Variants in RP1 observed in about 807,000 individuals in gnomAD.
The protein encoded by RP1 is oxygen-regulated protein 1.
In RP1, 16 loss-of-function variants were observed where a neutral mutation model predicts 14.8. The ratio of observed to expected loss-of-function variants is 1.08; its 90% CI spans 0.73 to 1.65. RP1 has a LOEUF of 1.65. Ranked by LOEUF, RP1 falls within the 40% of genes most tolerant of loss-of-function variation. The pLI, the probability that RP1 is intolerant of heterozygous loss-of-function variation, is 0.00. For missense variants in RP1, 2,631 were observed against 2,535.0 expected (o/e 1.04, Z -0.81); for synonymous variants, 876 against 883.6 (o/e 0.99, Z 0.15).
intron 3 of RP1, among the ~76,000 whole-genome samples, chr8:54,637,897 T>C (rs1246657205): frequency 6.6e-6 from 1 of 152,206 alleles, no homozygotes; most frequent in Non-Finnish European, 1.5e-5. Context: ...ACATCTATTC[T>C]ATTTTTTTCC....
At chr8:54,718,458 A>G (rs974689559) in intron 15 of RP1, among the ~76,000 whole-genome samples, 2 of 152,226 alleles carry the variant, frequency 1.3e-5, no homozygotes, top group South Asian at 4.1e-4. Flanking sequence ...AAGGGAACTC[A>G]ATGGAGAAAG....
chr8:54,644,233 G>A (rs1347566501), intron 3 of RP1, among the ~76,000 whole-genome samples: 1 of 152,186 alleles, frequency 6.6e-6, no homozygotes, highest in Non-Finnish European at 1.5e-5. Flanking sequence ...TTCCAAGCAA[G>A]TTAGAAACCT....
intron 1 of RP1, among the ~76,000 whole-genome samples, chr8:54,608,606 C>T (rs1022424064): frequency 7.2e-5 from 11 of 152,178 alleles, no homozygotes; most frequent in Middle Eastern, 3.4e-3. Context: ...AGGGGATGGA[C>T]GATATTGCAG....
At chr8:54,797,256 G>A (rs1486733313) in intron 24 of RP1, among the ~76,000 whole-genome samples, 1 of 152,118 alleles carries the variant, frequency 6.6e-6, no homozygotes, top group Non-Finnish European at 1.5e-5. Context: ...TGGAAGAATA[G>A]GTTTTATAGA....
chr8:54,780,938 A>T, intron 23 of RP1: 1 of 985,156 alleles, frequency 1.0e-6, no homozygotes, highest in Non-Finnish European at 1.2e-6. Context: ...CATTGTAAAT[A>T]TGGAAGATCC....
At chr8:54,593,625 C>T (rs36038972) in intron 1 of RP1, among the ~76,000 whole-genome samples, 7,195 of 152,260 alleles carry the variant, frequency 0.047, 236 homozygotes, top group Middle Eastern at 0.088. Context: ...GAGCAGGCTG[C>T]ACTGTGAAGG....
At chr8:54,582,445 C>T (rs1256522930) in intron 1 of RP1, among the ~76,000 whole-genome samples, 2 of 151,012 alleles carry the variant, frequency 1.3e-5, no homozygotes, top group Middle Eastern at 3.4e-3. Flanking sequence ...GTGATGCCTC[C>T]AGCTTTGTTC....
At chr8:54,710,694 A>G (rs1217466182) in intron 15 of RP1, among the ~76,000 whole-genome samples, 1 of 152,184 alleles carries the variant, frequency 6.6e-6, no homozygotes, top group Non-Finnish European at 1.5e-5. Flanking sequence ...TGGGAAGGGC[A>G]GGTCACTCTA....
chr8:54,681,820 T>G (rs1807440090), intron 12 of RP1, among the ~76,000 whole-genome samples: 1 of 152,148 alleles, frequency 6.6e-6, no homozygotes, highest in African/African-American at 2.4e-5. Flanking sequence ...TGGATTAGTT[T>G]GCTGAGGATA....
intron 25 of RP1, chr8:54,837,725 A>G: frequency 3.9e-6 from 4 of 1,016,582 alleles, no homozygotes; most frequent in Non-Finnish European, 5.1e-6. Flanking sequence ...AATTGAGATG[A>G]TTTAGAATAG....
intron 1 of RP1, among the ~76,000 whole-genome samples, chr8:54,579,464 T>C (rs1804730783): frequency 6.6e-6 from 1 of 151,004 alleles, no homozygotes; most frequent in East Asian, 1.9e-4. Flanking sequence ...ATGAAGACTC[T>C]GGTGTCTTGT....
chr8:54,736,256 T>C (rs899675106), intron 18 of RP1, among the ~76,000 whole-genome samples: 2 of 152,096 alleles, frequency 1.3e-5, no homozygotes, highest in Non-Finnish European at 2.9e-5. Flanking sequence ...TCTTTCTAAA[T>C]TTTAAGGTAT....
At chr8:54,740,697 G>A (rs1809058649) in intron 19 of RP1, among the ~76,000 whole-genome samples, 1 of 151,704 alleles carries the variant, frequency 6.6e-6, no homozygotes, top group South Asian at 2.1e-4. Flanking sequence ...GTTCCAGCCT[G>A]GGCGACAAAG....
intron 26 of RP1, among the ~76,000 whole-genome samples, chr8:54,856,086 A>G (rs1281909527): frequency 6.6e-6 from 1 of 152,186 alleles, no homozygotes; most frequent in Non-Finnish European, 1.5e-5. Flanking sequence ...TACAAATAGT[A>G]GAGTGGATAA....
chr8:54,812,641 CAT>C (rs1811026699), intron 24 of RP1, among the ~76,000 whole-genome samples: 1 of 152,166 alleles, frequency 6.6e-6, no homozygotes, highest in Non-Finnish European at 1.5e-5. Context: ...CTCATAAGCA[CAT>C]GTTAATTTTA....
intron 1 of RP1, among the ~76,000 whole-genome samples, chr8:54,577,851 G>A (rs1804694838): frequency 6.6e-6 from 1 of 152,142 alleles, no homozygotes; most frequent in African/African-American, 2.4e-5. Flanking sequence ...CTTTTCACAC[G>A]GTGCCTTGAT....
At chr8:54,753,853 G>A (rs1019314856) in intron 19 of RP1, among the ~76,000 whole-genome samples, 7 of 152,194 alleles carry the variant, frequency 4.6e-5, no homozygotes, top group African/African-American at 1.7e-4. Context: ...AGTGGGTTAT[G>A]GCAGCAAGCT....
At position 54,655,837 on chromosome 8, in the gene RP1, G is replaced by A. The variant is rs188790997; in HGVS notation, c.1039-246G>A. 1.2e-4 allele frequency among the ~76,000 whole-genome samples: 18 copies of A among 151,018 alleles called. No homozygotes were observed. In the East Asian group the frequency reaches 3.3e-3, roughly 28 times the overall value. On this transcript the variant is annotated intron_variant, in intron 5 of 22. Coordinates refer to the RP1 transcript ENST00000636932. ...GTTGGCAACCAGCCTGGGCAACATA[G>A]CAAGACTTTGTCTCAAATAAATAAA...
chr8:54,779,691 A>G (rs1810134205), intron 23 of RP1, among the ~76,000 whole-genome samples: 1 of 152,184 alleles, frequency 6.6e-6, no homozygotes, highest in Admixed American at 6.5e-5. Flanking sequence ...TACACTTCCA[A>G]TTGATAAGAA....
Sources: allele counts gnomAD v4.1 joint callset (sites outside exome capture counted in the v4.1 genomes callset), GRCh38; gene constraint gnomAD v4.1.1; transcripts MANE v1.5; gene names NCBI Gene and HGNC (gene_info 2026-07-23, HGNC 2026-07-21).